PRKG1: variants seen among roughly 807,000 people sequenced by gnomAD.
PRKG1 encodes the protein protein kinase cGMP-dependent 1.
PRKG1 carries 35 observed loss-of-function variants against 88.1 expected under a neutral mutation model. That is an observed-to-expected ratio of 0.40 (90% confidence interval 0.30 to 0.53). The LOEUF (loss-of-function observed/expected upper bound fraction) is 0.53. PRKG1 is among the 20% of genes least tolerant of loss of function. The probability of loss-of-function intolerance (pLI) is 0.59; values close to 1 mark genes in which losing one functional copy is unlikely to be tolerated. For synonymous variants in PRKG1, 303 were observed against 292.5 expected, an observed-to-expected ratio of 1.04 and a Z score of -0.37; for missense variants, 540 against 839.8, an observed-to-expected ratio of 0.64 and a Z score of 4.41.
intron 4 of PRKG1, among the ~76,000 whole-genome samples, chr10:51,878,522 T>C (rs1841357220): frequency 6.6e-6 from 1 of 152,184 alleles, no homozygotes; most frequent in Admixed American, 6.5e-5. Context: ...TGATTTTCCT[T>C]GGTGGATCAC....
chr10:51,019,127 T>G (rs936301971), intron 1 of PRKG1, among the ~76,000 whole-genome samples: 1 of 152,216 alleles, frequency 6.6e-6, no homozygotes, highest in Non-Finnish European at 1.5e-5. Context: ...CACTTACAGC[T>G]ACTATTATAC....
intron 3 of PRKG1, among the ~76,000 whole-genome samples, chr10:51,693,649 A>G (rs930371188): frequency 2.0e-5 from 3 of 151,924 alleles, no homozygotes; most frequent in African/African-American, 7.3e-5. Context: ...TGATCTGCCC[A>G]CCTCAGCCTC....
At chr10:51,733,455 T>G (rs1837171948) in intron 3 of PRKG1, among the ~76,000 whole-genome samples, 1 of 152,180 alleles carries the variant, frequency 6.6e-6, no homozygotes, top group South Asian at 2.1e-4. Context: ...CAACTAATAG[T>G]AACATCAATA....
intron 1 of PRKG1, among the ~76,000 whole-genome samples, chr10:51,130,824 C>A (rs1845547646): frequency 6.6e-6 from 1 of 152,000 alleles, no homozygotes; most frequent in Admixed American, 6.6e-5. Context: ...TTTGCTTGAA[C>A]CCGGGAGGCA....
intron 3 of PRKG1, among the ~76,000 whole-genome samples, chr10:51,721,124 G>T (rs1364456239): frequency 1.4e-5 from 2 of 146,728 alleles, no homozygotes; most frequent in Non-Finnish European, 3.0e-5. Flanking sequence ...GAGGTGAGAT[G>T]ATCTCCTGAG....
At chr10:51,970,928 A>G (rs1843700415) in intron 5 of PRKG1, among the ~76,000 whole-genome samples, 2 of 151,212 alleles carry the variant, frequency 1.3e-5, no homozygotes, top group South Asian at 4.2e-4. Flanking sequence ...TTGATCATAA[A>G]TGCCAAAAGC....
chr10:51,437,338 A>T lies in PRKG1; in HGVS notation c.479-30385A>T, dbSNP rs942307437. 9.2e-5 allele frequency among the ~76,000 whole-genome samples: 14 copies of T among 152,006 alleles called. 1 individual carries two copies. Among genetic ancestry groups the T allele is most frequent in the Non-Finnish European group, 4.4e-5 (3 of 67,958 alleles). ...ATCTCTTTTCCAAGGGTCATTAACCAGGCTCAAATGAGATATACACACGGG... is the reference window on the plus strand; with the variant it reads ...ATCTCTTTTCCAAGGGTCATTAACCTGGCTCAAATGAGATATACACACGGG... On this transcript the variant is annotated intron_variant, in intron 2 of 17. Transcript: ENST00000373980.
chr10:51,790,561 A>C (rs1838843998), intron 3 of PRKG1, among the ~76,000 whole-genome samples: 1 of 152,182 alleles, frequency 6.6e-6, no homozygotes, highest in African/African-American at 2.4e-5. Context: ...ACAAACTCCA[A>C]ATTATTGACT....
chr10:52,027,403 T>C (rs568573367), intron 5 of PRKG1, among the ~76,000 whole-genome samples: 4 of 152,322 alleles, frequency 2.6e-5, no homozygotes, highest in East Asian at 1.9e-4. Flanking sequence ...TGTATTCCAG[T>C]AAATGAATGT....
intron 3 of PRKG1, among the ~76,000 whole-genome samples, chr10:51,582,559 G>A (rs971476068): frequency 6.6e-6 from 1 of 152,070 alleles, no homozygotes; most frequent in Non-Finnish European, 1.5e-5. Context: ...GCAGTGTTTG[G>A]TTTTCTGTTC....
chr10:51,659,384 G>C (rs1840239627), intron 3 of PRKG1, among the ~76,000 whole-genome samples: 1 of 152,110 alleles, frequency 6.6e-6, no homozygotes, highest in African/African-American at 2.4e-5. Flanking sequence ...AGGACAGGTA[G>C]GATTTTTGTA....
chr10:52,048,902 A>C (rs1366806151), intron 5 of PRKG1, among the ~76,000 whole-genome samples: 1 of 152,150 alleles, frequency 6.6e-6, no homozygotes, highest in Non-Finnish European at 1.5e-5. Flanking sequence ...TCTTTCAACA[A>C]ATATATATTG....
chr10:51,809,879 C>T (rs1008116058), intron 4 of PRKG1, among the ~76,000 whole-genome samples: 2 of 152,140 alleles, frequency 1.3e-5, no homozygotes, highest in Non-Finnish European at 2.9e-5. Context: ...CTTCCAGACT[C>T]ATCTCACTCT....
At chr10:51,411,319 G>A (rs978706142) in intron 2 of PRKG1, among the ~76,000 whole-genome samples, 1 of 152,134 alleles carries the variant, frequency 6.6e-6, no homozygotes, top group Non-Finnish European at 1.5e-5. Context: ...AATTTTGAAT[G>A]CTAGATAATT....
At chr10:52,111,990 C>T (rs1353932810) in intron 7 of PRKG1, among the ~76,000 whole-genome samples, 1 of 152,184 alleles carries the variant, frequency 6.6e-6, no homozygotes, top group Non-Finnish European at 1.5e-5. Context: ...CTATTCTCTG[C>T]CTGCTGAAGC....
intron 3 of PRKG1, among the ~76,000 whole-genome samples, chr10:51,505,839 C>G (rs941442129): frequency 6.6e-6 from 1 of 151,672 alleles, no homozygotes; most frequent in Non-Finnish European, 1.5e-5. Context: ...TTTTTTATTG[C>G]GTCTATTTGA....
At chr10:51,336,634 G>A (rs1174202821) in intron 2 of PRKG1, among the ~76,000 whole-genome samples, 1 of 152,096 alleles carries the variant, frequency 6.6e-6, no homozygotes, top group Non-Finnish European at 1.5e-5. Flanking sequence ...AAATTGTTTG[G>A]CATTTTGTTG....
At chr10:51,613,719 C>A (rs1333848928) in intron 3 of PRKG1, among the ~76,000 whole-genome samples, 1 of 151,448 alleles carries the variant, frequency 6.6e-6, no homozygotes, top group Non-Finnish European at 1.5e-5. Flanking sequence ...TTTTTATTTT[C>A]ATATAAATTT....
At chr10:51,988,658 A>G (rs1397182643) in intron 5 of PRKG1, among the ~76,000 whole-genome samples, 1 of 152,046 alleles carries the variant, frequency 6.6e-6, no homozygotes, top group Non-Finnish European at 1.5e-5. Flanking sequence ...TCTGTGAATT[A>G]TCTATGCATA....
Sources: allele counts gnomAD v4.1 joint callset (sites outside exome capture counted in the v4.1 genomes callset), GRCh38; gene constraint gnomAD v4.1.1; transcripts MANE v1.5; gene names NCBI Gene and HGNC (gene_info 2026-07-23, HGNC 2026-07-21).